Variants in FAM120B observed in about 807,000 individuals in gnomAD.
FAM120B encodes constitutive coactivator of peroxisome proliferator-activated receptor gamma.
FAM120B carries 83 observed loss-of-function variants against 96.3 expected under a neutral mutation model. That is an observed-to-expected ratio of 0.86 (90% CI 0.72 to 1.03). FAM120B has a LOEUF of 1.03. FAM120B is among the 50% of genes least tolerant of loss of function. The pLI, the probability that FAM120B is intolerant of heterozygous loss-of-function variation, is 0.00. For missense variants in FAM120B, 1,027 were observed against 1,121.2 expected, an observed-to-expected ratio of 0.92 and a Z score of 1.20; for synonymous variants, 407 against 402.7, an observed-to-expected ratio of 1.01 and a Z score of -0.13.
Position 170,341,829 on chromosome 6 carries a change from T to C in FAM120B, c.2018-6322T>C, listed in dbSNP as rs553126299. Among the ~76,000 whole-genome samples, 19 of 152,278 alleles carry C rather than the reference T, an allele frequency of 1.2e-4. 2 individuals are homozygous for C. In the East Asian group the frequency reaches 2.7e-3, roughly 22 times the overall value. The stretch of plus-strand genomic sequence containing the variant: ...CTGAACCAATGCCTAACCAGTCCCA[T>C]TGAGATGAACCAGGTACCTCAGTTG... On this transcript the variant is annotated intron_variant, in intron 4 of 10. Transcript: ENST00000476287.
upstream of FAM120B, chr6:170,291,090 T>A (rs1783856083): frequency 1.4e-6 from 1 of 698,990 alleles, no homozygotes; most frequent in Admixed American, 2.0e-5. Context: ...AGCTGTAAAA[T>A]GTGCAACCCT....
chr6:170,399,795 G>T (rs1377307043), intron 9 of FAM120B, among the ~76,000 whole-genome samples: 3 of 144,606 alleles, frequency 2.1e-5, no homozygotes, highest in Non-Finnish European at 3.0e-5. Flanking sequence ...AGTGAGTGAG[G>T]AAGGTAGAAC....
rs769513162 is a variant in FAM120B at position 170,317,877 on chromosome 6, G to A, written c.487G>A (p.Val163Ile). 28 of 1,614,110 alleles carry A rather than the reference G, an allele frequency of 1.7e-5. No homozygotes were observed. Among genetic ancestry groups the A allele is most frequent in the Middle Eastern group, 1.6e-4 (1 of 6,084 alleles). ...LCSLQEADYE[V>I]ASYGLQHNCL... Reference sequence around the variant, plus strand: ...TTCTTTGCAGGAAGCAGATTATGAGGTAGCTTCCTATGGCCTCCAGCATAA... The same window carrying A: ...TTCTTTGCAGGAAGCAGATTATGAGATAGCTTCCTATGGCCTCCAGCATAA... Residue 163 changes from valine (V) to isoleucine (I), a missense_variant, in exon 2 of 11, where the codon GTA (valine) becomes ATA (isoleucine). Val to Ile is a conservative substitution (Grantham distance 29). Coordinates refer to ENST00000476287, the MANE Select transcript of FAM120B (RefSeq NM_032448.3).
At chr6:170,383,978 C>T (rs939821089) in intron 6 of FAM120B, among the ~76,000 whole-genome samples, 9 of 152,146 alleles carry the variant, frequency 5.9e-5, no homozygotes, top group Non-Finnish European at 1.3e-4. Context: ...GAGTGGCTGA[C>T]GCTTGGAACC....
Position 170,295,438 on chromosome 6 carries a change from CG to C in FAM120B, c.34del (p.Ala12GlnfsTer15). The stretch of plus-strand genomic sequence containing the variant: ...GACCTCGAGGCTCCACCAGCGCTGG[CG>C]CAGGCAGGAAGGAGGTGAGCGCCGC... On this transcript the variant is annotated frameshift_variant, in exon 1 of 11. Coordinates refer to the FAM120B transcript ENST00000537664. LOFTEE classifies it high-confidence loss of function. This position sits in a 1 kb window ranked among gnomAD's most constrained non-coding sequence, Gnocchi z 7.8. 2 of 701,712 alleles carry C rather than the reference CG, an allele frequency of 2.9e-6. No individual in the cohort carries two copies. Among genetic ancestry groups the C allele is most frequent in the Middle Eastern group, 2.3e-4 (1 of 4,364 alleles). 43.5% of individuals were successfully genotyped at this position (701,712 alleles called of 1,614,324 possible).
chr6:170,377,957 TAGAAC>T (rs1404204482), intron 6 of FAM120B, among the ~76,000 whole-genome samples: 2 of 140,130 alleles, frequency 1.4e-5, no homozygotes, highest in South Asian at 5.0e-4. Context: ...GAGAAACCCT[TAGAAC>T]AGAGCAGTTA....
chr6:170,295,430 A>G lies in FAM120B; in HGVS notation c.25A>G (p.Ser9Gly), dbSNP rs755165486. ...TATGTTTGGACCTCGAGGCTCCACC[A>G]GCGCTGGCGCAGGCAGGAAGGAGGT... is the stretch of plus-strand genomic sequence containing the variant. The change falls in exon 1 of 11, where the codon AGC (serine) becomes GGC (glycine). Residue 9 changes from serine to glycine, a missense_variant. Transcript: ENST00000537664. This position sits in a 1 kb window ranked among gnomAD's most constrained non-coding sequence, Gnocchi z 7.8. 3.6e-5 allele frequency: 25 copies of G among 701,720 alleles called. 1 individual carries two copies. The South Asian group carries it at 3.7e-4, about 10-fold the overall frequency. The allele number at this position is 701,720 out of a possible 1,614,324, so 43.5% of individuals were successfully genotyped here. A position where few individuals can be genotyped will look rare whatever the true frequency, so the allele number is the denominator to read the frequency against.
intron 1 of FAM120B, among the ~76,000 whole-genome samples, chr6:170,312,986 T>C (rs1784679435): frequency 6.6e-6 from 1 of 152,136 alleles, no homozygotes; most frequent in Admixed American, 6.5e-5. Context: ...AGCCCCAGAT[T>C]GAGGCCTGGT....
intron 4 of FAM120B, among the ~76,000 whole-genome samples, chr6:170,338,766 A>T (rs1786609997): frequency 6.7e-6 from 1 of 149,340 alleles, no homozygotes; most frequent in Admixed American, 6.7e-5. Context: ...TCCCTTTACC[A>T]TTATGTAATA....
In FAM120B at chr6:170,388,330, T is replaced by C. The variant is rs1228851968; in HGVS notation, c.2327T>C (p.Leu776Pro). The change falls in exon 7 of 11, where the codon CTC (leucine) becomes CCC (proline). Residue 776 changes from leucine to proline, a missense_variant. Leu to Pro is a moderately conservative substitution (Grantham distance 98). Coordinates refer to ENST00000476287, the MANE Select transcript of FAM120B (RefSeq NM_032448.3). ...NPRAVQLGSL[L>P]VRGLTTLVLV... The stretch of plus-strand genomic sequence containing the variant: ...AGAGCCGTGCAGCTGGGCTCCCTTC[T>C]CGTCCGCGGCCTCACCACTCTGGTT... 6.2e-6 allele frequency: 10 copies of C among 1,614,076 alleles called. No individual in the cohort carries two copies. Among genetic ancestry groups the C allele is most frequent in the Non-Finnish European group, 7.6e-6 (9 of 1,180,044 alleles).
chr6:170,308,506 C>G (rs1433896522), intron 1 of FAM120B, among the ~76,000 whole-genome samples: 3 of 151,766 alleles, frequency 2.0e-5, no homozygotes, highest in Non-Finnish European at 4.4e-5. Flanking sequence ...GAGATTTTAC[C>G]CCATCCTGGA....
Position 170,404,553 on chromosome 6 carries a change from G to A in FAM120B, c.2696G>A (p.Ser899Asn), listed in dbSNP as rs757606440. The change falls in exon 10 of 11, where the codon AGC becomes AAC. Residue 899 changes from serine to asparagine, a missense_variant. By Grantham distance (46) the Ser-to-Asn change is conservative. Coordinates refer to ENST00000476287, the MANE Select transcript of FAM120B (RefSeq NM_032448.3). ...GQPWRDQGPGSRQYEHDQWRR... is the reference protein window; with the variant it reads ...GQPWRDQGPGNRQYEHDQWRR... ...TTTTCATGTCTGTTTACTGCAGGAA[G>A]CAGACAGTATGAGCATGACCAGTGG... 3.1e-6 allele frequency: 5 copies of A among 1,613,694 alleles called. No homozygotes were observed. The East Asian group carries it at 1.1e-4, about 36-fold the overall frequency.
At chr6:170,398,248 G>T (rs903587128) in intron 9 of FAM120B, among the ~76,000 whole-genome samples, 1 of 152,268 alleles carries the variant, frequency 6.6e-6, no homozygotes, top group African/African-American at 2.4e-5. Flanking sequence ...CTGGAATTCT[G>T]TGACTTTCTA....
At chr6:170,391,850 C>CTCTCA (rs1427844376) in intron 8 of FAM120B, among the ~76,000 whole-genome samples, 1 of 152,160 alleles carries the variant, frequency 6.6e-6, no homozygotes, top group African/African-American at 2.4e-5. Context: ...CCAAGGTTTT[C>CTCTCA]TGTGTTTGCA....
intron 5 of FAM120B, among the ~76,000 whole-genome samples, chr6:170,354,243 C>G (rs997362568): frequency 1.4e-4 from 22 of 152,248 alleles, no homozygotes; most frequent in African/African-American, 4.8e-4. Flanking sequence ...AACTGGATCC[C>G]TTCATTACAC....
intron 1 of FAM120B, among the ~76,000 whole-genome samples, chr6:170,310,915 G>A (rs725313): frequency 0.11 from 17,291 of 152,258 alleles, 1,308 homozygotes; most frequent in East Asian, 0.31. Context: ...AGGCCTTGGA[G>A]CACAGTAAAT....
At chr6:170,335,782 A>G (rs1002469928) in intron 4 of FAM120B, among the ~76,000 whole-genome samples, 1 of 152,100 alleles carries the variant, frequency 6.6e-6, no homozygotes, top group Non-Finnish European at 1.5e-5. Flanking sequence ...TGTGGTTTTA[A>G]TTTGCATTTC....
At chr6:170,373,974 G>T (rs1234883235) in intron 6 of FAM120B, among the ~76,000 whole-genome samples, 1 of 152,050 alleles carries the variant, frequency 6.6e-6, no homozygotes, top group African/African-American at 2.4e-5. Context: ...TCATTCCTCA[G>T]TTCTACCTGG....
chr6:170,290,951 C>G, upstream of FAM120B: 1 of 700,364 alleles, frequency 1.4e-6, no homozygotes, highest in Non-Finnish European at 2.6e-6. This position sits in a 1 kb window ranked among gnomAD's most constrained non-coding sequence, Gnocchi z 4.7. Context: ...CGCCTGCCGC[C>G]CTTATATTCA....
Sources: gnomAD v4.1 joint callset for allele counts (sites outside exome capture counted in the v4.1 genomes callset) on GRCh38, gnomAD v4.1.1 for gene constraint, Gnocchi (gnomAD v3.1) non-coding constraint, MANE v1.5 for transcripts, NCBI Gene and HGNC (gene_info 2026-07-23, HGNC 2026-07-21) for gene names.